PI4KA: variants seen among roughly 807,000 people sequenced by gnomAD.
The protein encoded by PI4KA is PI4-kinase alpha.
A neutral mutation model predicts 271.4 loss-of-function variants in PI4KA; 122 were observed. That is an observed-to-expected ratio of 0.45 (90% CI 0.39 to 0.52). The LOEUF is 0.52. PI4KA is among the 20% of genes least tolerant of loss of function. The pLI, the probability that PI4KA is intolerant of heterozygous loss-of-function variation, is 0.00. For missense variants in PI4KA, 1,969 were observed against 2,769.1 expected (o/e 0.71, Z 6.48); for synonymous variants, 1,041 against 1,078.8 (o/e 0.96, Z 0.69).
Position 20,799,128 on chromosome 22 carries a change from T to C in PI4KA, c.1969A>G (p.Ile657Val), listed in dbSNP as rs1281705128. ...ATAACCAGGCAGCCCAGCTGGTCAA[T>C]AATCAGCACATCGAGGGGGGAGGGT... Reference protein sequence around the residue: ...QPPSPLDVLIIDQLGCLVITG... With the variant: ...QPPSPLDVLIVDQLGCLVITG... The change falls in exon 16 of 55, where the codon ATT (isoleucine) becomes GTT (valine). Residue 657 changes from isoleucine to valine, a missense_variant. This residue lies in a region of PI4KA where 228 missense variants were observed against 261.6 expected (regional missense o/e 0.87). Transcript: ENST00000255882. 5.0e-6 allele frequency: 8 copies of C among 1,613,498 alleles called. No homozygotes were observed. The highest frequency in any genetic ancestry group is 2.2e-5 in the East Asian group (1 of 44,868).
At chr22:20,728,278 T>C (rs1302702610) in intron 39 of PI4KA, among the ~76,000 whole-genome samples, 1 of 152,120 alleles carries the variant, frequency 6.6e-6, no homozygotes, top group Non-Finnish European at 1.5e-5. Flanking sequence ...AATAAAAAAA[T>C]GTTTAGCCAG....
intron 19 of PI4KA, among the ~76,000 whole-genome samples, chr22:20,784,473 G>C (rs1241019210): frequency 6.6e-6 from 1 of 152,208 alleles, no homozygotes; most frequent in Non-Finnish European, 1.5e-5. Context: ...AGTTTCAGAA[G>C]TTAGAGGCAG....
chr22:20,755,350 T>A (rs1448920308), intron 23 of PI4KA, among the ~76,000 whole-genome samples: 1 of 152,198 alleles, frequency 6.6e-6, no homozygotes, highest in Non-Finnish European at 1.5e-5. Context: ...CTTTCTGGTG[T>A]AACAAGGTGC....
chr22:20,747,175 T>G (rs1930206109), intron 29 of PI4KA, among the ~76,000 whole-genome samples: 1 of 152,224 alleles, frequency 6.6e-6, no homozygotes, highest in South Asian at 2.1e-4. Flanking sequence ...AAGGCATTCA[T>G]GTGCGGTTCA....
chr22:20,796,340 G>A, intron 17 of PI4KA, 26 bp from the exon 18 acceptor site: 1 of 1,602,422 alleles, frequency 6.2e-7, no homozygotes, highest in Non-Finnish European at 8.5e-7. Flanking sequence ...TGAAATAACA[G>A]CCACTGCCAG....
At chr22:20,850,938 G>T (rs988036307) in intron 1 of PI4KA, among the ~76,000 whole-genome samples, 4 of 152,056 alleles carry the variant, frequency 2.6e-5, no homozygotes, top group African/African-American at 7.2e-5. Context: ...CCAACTACTT[G>T]GGAGGCTGAG....
chr22:20,713,153 C>T (rs1925534779), intron 48 of PI4KA, 128 bp downstream of exon 48: 2 of 786,210 alleles, frequency 2.5e-6, no homozygotes, highest in East Asian at 5.3e-5. Flanking sequence ...TACCCCGTGG[C>T]ACCTGAACCA....
intron 9 of PI4KA, among the ~76,000 whole-genome samples, chr22:20,809,269 C>T (rs1935859299): frequency 6.6e-6 from 1 of 152,114 alleles, no homozygotes; most frequent in African/African-American, 2.4e-5. Flanking sequence ...CTGAGCTAAG[C>T]CTCAGTTTCC....
chr22:20,827,211 T>A (rs935321826), intron 3 of PI4KA, among the ~76,000 whole-genome samples: 1 of 152,224 alleles, frequency 6.6e-6, no homozygotes, highest in Admixed American at 6.5e-5. Context: ...CTTTAATCCA[T>A]CTTCAGTTGA....
rs1247648245 is a variant in PI4KA, at chr22:20,858,718, G to A, written c.8C>T (p.Ala3Val). Residue 3 changes from alanine (A) to valine (V), a missense_variant, in exon 1 of 55, where the codon GCG becomes GTG. Coordinates refer to ENST00000255882, the MANE Select transcript of PI4KA (RefSeq NM_058004.4). Reference sequence around the variant, plus strand: ...GCCTCCGCCTCCCCGGGCCGGGGCCGCCGCCATCACCTCACGAGCCGCGGC... The same window carrying A: ...GCCTCCGCCTCCCCGGGCCGGGGCCACCGCCATCACCTCACGAGCCGCGGC... MA[A>V]APARGGGGGG... 3 of 1,444,002 alleles carry A rather than the reference G, an allele frequency of 2.1e-6. No individual in the cohort carries two copies. Among genetic ancestry groups the A allele is most frequent in the East Asian group, 3.0e-5 (1 of 32,804 alleles). The allele number at this position is 1,444,002 out of a possible 1,614,324, so 89.4% of individuals were successfully genotyped here. A position where few individuals can be genotyped will look rare whatever the true frequency, so the allele number is the denominator to read the frequency against.
chr22:20,737,420 G>C (rs1021854230), intron 32 of PI4KA, among the ~76,000 whole-genome samples: 13 of 152,180 alleles, frequency 8.5e-5, no homozygotes, highest in Admixed American at 7.2e-4. Context: ...CCTGCCCCCA[G>C]GGGTCAACCA....
chr22:20,811,100 C>A (rs1031158128), intron 8 of PI4KA, 68 bp from the exon 9 acceptor site: 62 of 1,187,668 alleles, frequency 5.2e-5, no homozygotes, highest in Non-Finnish European at 7.6e-5. Flanking sequence ...GCTCCTTCTA[C>A]CGAAAACCCA....
At chr22:20,768,302 G>A (rs1471361329) in intron 19 of PI4KA, among the ~76,000 whole-genome samples, 1 of 151,644 alleles carries the variant, frequency 6.6e-6, no homozygotes, top group Non-Finnish European at 1.5e-5. Flanking sequence ...AAACTCCTAG[G>A]TTCAAGAGAT....
chr22:20,822,620 C>T (rs1042888217), intron 4 of PI4KA, among the ~76,000 whole-genome samples: 2 of 152,214 alleles, frequency 1.3e-5, no homozygotes, highest in South Asian at 4.1e-4. Flanking sequence ...CCTCACTGAT[C>T]ACCCTTTGGG....
At chr22:20,811,627 C>T (rs1221983954) in intron 8 of PI4KA, among the ~76,000 whole-genome samples, 1 of 133,192 alleles carries the variant, frequency 7.5e-6, no homozygotes. Flanking sequence ...AAAAAAACTG[C>T]CCACATCCAC....
chr22:20,820,676 A>G lies in PI4KA; in HGVS notation c.457-65T>C, dbSNP rs1241110446. 3.5e-6 allele frequency: 4 copies of G among 1,140,504 alleles called. No individual in the cohort carries two copies. The Admixed American group carries it at 7.7e-5, about 22-fold the overall frequency. The allele number at this position is 1,140,504 out of a possible 1,614,324, so 70.6% of individuals were successfully genotyped here. On this transcript the variant is annotated intron_variant, in intron 4 of 54. Coordinates refer to ENST00000255882, the MANE Select transcript of PI4KA (RefSeq NM_058004.4). Reference sequence around the variant, plus strand: ...AAAATTAGGTAAATATCACGAAACTAAGTCAGAATTAGAAGGCACTTCAGA... The same window carrying G: ...AAAATTAGGTAAATATCACGAAACTGAGTCAGAATTAGAAGGCACTTCAGA...
chr22:20,723,785 C>T (rs1228781790), intron 42 of PI4KA, among the ~76,000 whole-genome samples: 8 of 151,826 alleles, frequency 5.3e-5, no homozygotes, highest in African/African-American at 1.7e-4. Context: ...GAGCCGTGAT[C>T]GTGCCACTGC....
chr22:20,845,681 C>A (rs956108075), intron 1 of PI4KA, among the ~76,000 whole-genome samples: 1 of 152,146 alleles, frequency 6.6e-6, no homozygotes, highest in Admixed American at 6.6e-5. Context: ...ATCCTACAAG[C>A]ACCCTGGATC....
At chr22:20,847,079 T>G (rs1187509850) in intron 1 of PI4KA, among the ~76,000 whole-genome samples, 1 of 146,124 alleles carries the variant, frequency 6.8e-6, no homozygotes, top group Non-Finnish European at 1.5e-5. Context: ...ACCGAGGAGG[T>G]GGAGGTTGCA....
Sources: gnomAD v4.1 joint callset for allele counts (sites outside exome capture counted in the v4.1 genomes callset) on GRCh38, gnomAD v4.1.1 for gene constraint, gnomAD v4.1.1 regional missense constraint, MANE v1.5 for transcripts, NCBI Gene and HGNC (gene_info 2026-07-23, HGNC 2026-07-21) for gene names.